Variants in ANKRD30B observed in about 807,000 individuals in gnomAD.
ANKRD30B encodes ankyrin repeat domain-containing protein 30B.
ANKRD30B carries 144 observed loss-of-function variants against 202.2 expected under a neutral mutation model. The ratio of observed to expected loss-of-function variants is 0.71; its 90% confidence interval spans 0.62 to 0.82. The LOEUF is 0.82. ANKRD30B is among the 40% of genes least tolerant of loss of function. The pLI is 0.00. For synonymous variants in ANKRD30B, 508 were observed against 561.3 expected, an observed-to-expected ratio of 0.91 and a Z score of 1.34; for missense variants, 1,487 against 1,669.1, an observed-to-expected ratio of 0.89 and a Z score of 1.90.
chr18:14,770,806 C>T (rs1203113231), intron 8 of ANKRD30B, among the ~76,000 whole-genome samples: 1 of 148,866 alleles, frequency 6.7e-6, no homozygotes, highest in Non-Finnish European at 1.5e-5. Context: ...TTCAAGCTTT[C>T]TATTGAAAGA....
At chr18:14,827,025 C>G (rs532379329) in intron 32 of ANKRD30B, among the ~76,000 whole-genome samples, 1 of 152,164 alleles carries the variant, frequency 6.6e-6, no homozygotes, top group East Asian at 1.9e-4. Flanking sequence ...GATATAATGC[C>G]TATGTGATGA....
chr18:14,917,096 C>A, the ANKRD30B span, among the ~76,000 whole-genome samples: 24 of 152,330 alleles, frequency 1.6e-4, no homozygotes, highest in African/African-American at 4.1e-4. Flanking sequence ...CCAGCTGACA[C>A]TCTGTCCTCA....
At chr18:14,819,502 C>G (rs1458752324) in intron 30 of ANKRD30B, among the ~76,000 whole-genome samples, 1 of 151,830 alleles carries the variant, frequency 6.6e-6, no homozygotes, top group African/African-American at 2.4e-5. Flanking sequence ...TTAGGTCTAA[C>G]GTTTAAGTCT....
At chr18:14,756,398 C>G (rs930285159) in intron 4 of ANKRD30B, among the ~76,000 whole-genome samples, 5 of 152,100 alleles carry the variant, frequency 3.3e-5, no homozygotes, top group Non-Finnish European at 5.9e-5. Context: ...TGCAGAAGCT[C>G]TTTAGTTTAA....
intron 37 of ANKRD30B, 34 bp downstream of exon 37, chr18:14,840,712 T>C (rs1361296690): frequency 8.0e-7 from 1 of 1,257,862 alleles, no homozygotes; most frequent in South Asian, 1.3e-5. Context: ...ACATCTTTTG[T>C]CCAAATGTTT....
At position 14,752,695 on chromosome 18, in the gene ANKRD30B, G is replaced by A. The variant is rs1913651129; in HGVS notation, c.336+15G>A. 2 of 1,585,260 alleles carry A rather than the reference G, an allele frequency of 1.3e-6. No homozygotes were observed. Among genetic ancestry groups the A allele is most frequent in the Non-Finnish European group, 8.6e-7 (1 of 1,163,220 alleles). ...CTCTGATGAAGGTAAATAGTAGCCA[G>A]TTTTTTCAGCGGGAGATGGATTTGG... On this transcript the variant is annotated intron_variant, in intron 2 of 43. Coordinates refer to ENST00000690538, the MANE Select transcript of ANKRD30B (RefSeq NM_001367607.2).
the ANKRD30B span, among the ~76,000 whole-genome samples, chr18:14,906,765 C>T: frequency 6.6e-6 from 1 of 152,218 alleles, no homozygotes; most frequent in Middle Eastern, 3.4e-3. Context: ...GCCCATGACA[C>T]AGCCCTCAGG....
At chr18:14,907,314 T>TG in the ANKRD30B span, among the ~76,000 whole-genome samples, 2 of 150,652 alleles carry the variant, frequency 1.3e-5, no homozygotes, top group South Asian at 4.2e-4. Flanking sequence ...TCAATTTTAC[T>TG]GAAAAAAAAA....
chr18:14,761,409 GTAAT>G (rs1161347979), intron 6 of ANKRD30B, among the ~76,000 whole-genome samples: 2 of 152,120 alleles, frequency 1.3e-5, no homozygotes, highest in Non-Finnish European at 2.9e-5. Context: ...ATACCTGTGG[GTAAT>G]TAATCTGGTC....
chr18:14,766,886 A>T (rs1033966813), intron 7 of ANKRD30B, among the ~76,000 whole-genome samples: 2 of 152,210 alleles, frequency 1.3e-5, no homozygotes, highest in Non-Finnish European at 2.9e-5. Flanking sequence ...TGAGAATTTC[A>T]AGCAGTAAGA....
chr18:14,751,878 A>G (rs1913511801), intron 1 of ANKRD30B, among the ~76,000 whole-genome samples: 1 of 152,162 alleles, frequency 6.6e-6, no homozygotes, highest in Admixed American at 6.5e-5. Flanking sequence ...CACTTCTTGG[A>G]AGACACTGTG....
At chr18:14,901,434 G>A in the ANKRD30B span, among the ~76,000 whole-genome samples, 2 of 152,216 alleles carry the variant, frequency 1.3e-5, no homozygotes, top group Admixed American at 6.5e-5. Flanking sequence ...CCAACATCAA[G>A]TAGAACAAAA....
At chr18:14,800,011 A>G (rs1293754860) in intron 22 of ANKRD30B, among the ~76,000 whole-genome samples, 1 of 151,926 alleles carries the variant, frequency 6.6e-6, no homozygotes, top group African/African-American at 2.4e-5. Context: ...TGGGCAGATT[A>G]CTTAAGGTCA....
At position 14,752,616 on chromosome 18, in the gene ANKRD30B, T is replaced by A; in HGVS notation, c.272T>A (p.Phe91Tyr). ...CVNGHAEVVT[F>Y]LVDRKCQLNV... ...AATGGCCATGCAGAAGTAGTAACAT[T>A]TCTGGTAGACAGAAAGTGCCAGCTT... Residue 91 changes from phenylalanine (F) to tyrosine (Y), a missense_variant, in exon 2 of 44, where the codon TTT becomes TAT. Coordinates refer to ENST00000690538, the MANE Select transcript of ANKRD30B (RefSeq NM_001367607.2). 1 of 1,612,430 alleles carries A rather than the reference T, an allele frequency of 6.2e-7. No homozygotes were observed. Among genetic ancestry groups the A allele is most frequent in the South Asian group, 1.1e-5 (1 of 90,824 alleles).
chr18:14,752,107 GTTTTC>G (rs1189284070), intron 1 of ANKRD30B, among the ~76,000 whole-genome samples: 1 of 152,110 alleles, frequency 6.6e-6, no homozygotes, highest in Non-Finnish European at 1.5e-5. Flanking sequence ...TACTTAAAAT[GTTTTC>G]TTTATTAAGT....
intron 4 of ANKRD30B, among the ~76,000 whole-genome samples, chr18:14,757,106 G>A (rs1006490242): frequency 1.3e-5 from 2 of 151,802 alleles, no homozygotes; most frequent in African/African-American, 4.8e-5. Flanking sequence ...ATTTGTATGG[G>A]TAGAGGGAAG....
the ANKRD30B span, among the ~76,000 whole-genome samples, chr18:14,869,900 C>A: frequency 6.6e-6 from 1 of 151,742 alleles, no homozygotes; most frequent in African/African-American, 2.4e-5. Flanking sequence ...AGTGGCCTGA[C>A]CTTGGCTCAC....
intron 6 of ANKRD30B, 138 bp downstream of exon 6, chr18:14,760,756 GTA>G: frequency 1.9e-6 from 1 of 534,756 alleles, no homozygotes; most frequent in Admixed American, 3.8e-5. Flanking sequence ...GTGTGTGTGT[GTA>G]TATATATGTA....
chr18:14,839,125 G>A (rs570092713), intron 36 of ANKRD30B, among the ~76,000 whole-genome samples: 18 of 152,198 alleles, frequency 1.2e-4, no homozygotes, highest in Non-Finnish European at 2.4e-4. Context: ...TGTGTGCTAG[G>A]CAGTGAGTCT....
Sources: gnomAD v4.1 joint callset for allele counts (sites outside exome capture counted in the v4.1 genomes callset) on GRCh38, gnomAD v4.1.1 for gene constraint, MANE v1.5 for transcripts, NCBI Gene and HGNC (gene_info 2026-07-23, HGNC 2026-07-21) for gene names.